The following IQCM variants were observed in gnomAD, a reference collection of about 807,000 sequenced individuals.
IQCM encodes IQ domain-containing protein M.
Under a neutral mutation model 57.6 loss-of-function variants are expected in IQCM, and 45 were observed. The ratio of observed to expected loss-of-function variants is 0.78; its 90% CI spans 0.62 to 1.00. The LOEUF (loss-of-function observed/expected upper bound fraction) is 1.00, where lower values mean the gene tolerates loss of function less well. IQCM is among the 50% of genes least tolerant of loss of function. The pLI is 0.00. For missense variants in IQCM, 468 were observed against 511.6 expected, an observed-to-expected ratio of 0.91 and a Z score of 0.82; for synonymous variants, 148 against 158.9, an observed-to-expected ratio of 0.93 and a Z score of 0.51.
At chr4:149,763,792 T>C (rs1769766545) in intron 2 of IQCM, among the ~76,000 whole-genome samples, 1 of 151,828 alleles carries the variant, frequency 6.6e-6, no homozygotes, top group South Asian at 2.1e-4. Flanking sequence ...CTTTTCACTA[T>C]GAAATGAATG....
intron 12 of IQCM, among the ~76,000 whole-genome samples, chr4:149,463,150 A>T (rs1738486404): frequency 6.6e-6 from 1 of 152,216 alleles, no homozygotes; most frequent in African/African-American, 2.4e-5. Flanking sequence ...ACACATGTGC[A>T]AGGTGAAGCC....
chr4:149,571,784 T>C (rs868152418), intron 9 of IQCM, among the ~76,000 whole-genome samples: 3 of 152,086 alleles, frequency 2.0e-5, no homozygotes, highest in African/African-American at 7.2e-5. Flanking sequence ...AAATAAATAA[T>C]GAGTAAACCA....
intron 2 of IQCM, among the ~76,000 whole-genome samples, chr4:149,814,507 T>C (rs913204262): frequency 1.3e-5 from 2 of 151,862 alleles, no homozygotes; most frequent in Admixed American, 6.6e-5. Flanking sequence ...ATGCTCAAGG[T>C]GATATCTTTA....
rs1025526034 is a variant in IQCM at position 149,433,824 on chromosome 4, AC to A, written c.1229-268del. 1.4e-4 allele frequency among the ~76,000 whole-genome samples: 22 copies of A among 152,128 alleles called. 1 individual carries two copies. The highest frequency in any genetic ancestry group is 5.1e-4 in the African/African-American group (21 of 41,552). ...TTAAGGCTGTGAAAAAAAATAAGAT[AC>A]CCAACGAACAGCATTCACATTATAG... On this transcript the variant is annotated intron_variant, in intron 12 of 13. Transcript: ENST00000636793.
intron 12 of IQCM, among the ~76,000 whole-genome samples, chr4:149,450,894 T>C (rs1453018796): frequency 2.0e-5 from 3 of 150,952 alleles, no homozygotes; most frequent in Non-Finnish European, 4.4e-5. Context: ...AATCACTATA[T>C]TGAAGAGATA....
At position 149,672,471 on chromosome 4, in the gene IQCM, G is replaced by A. The variant is rs59141127; in HGVS notation, c.565+9647C>T. Among the ~76,000 whole-genome samples the A allele has an allele frequency of 8.9e-3, 1,362 of 152,272 alleles. 18 individuals are homozygous for A. The highest frequency in any genetic ancestry group is 0.03 in the African/African-American group (1,266 of 41,564). ...CTGAAAACTATGGCACAAGAACTACGTGACGCATGCGCAAGCTTCAGTAGC... is the reference window on the plus strand; with the variant it reads ...CTGAAAACTATGGCACAAGAACTACATGACGCATGCGCAAGCTTCAGTAGC... On this transcript the variant is annotated intron_variant, in intron 7 of 13. Transcript: ENST00000636793.
intron 2 of IQCM, among the ~76,000 whole-genome samples, chr4:149,776,447 C>A (rs945127989): frequency 6.6e-6 from 1 of 152,244 alleles, no homozygotes; most frequent in East Asian, 1.9e-4. Flanking sequence ...AATCTAATAT[C>A]TTTCCACTAT....
intron 5 of IQCM, among the ~76,000 whole-genome samples, chr4:149,718,389 C>T (rs1249536857): frequency 6.6e-6 from 1 of 152,080 alleles, no homozygotes; most frequent in East Asian, 1.9e-4. Context: ...GGGCACAGAC[C>T]ATGGTACACA....
At chr4:149,642,085 GCACGGAGAGTTGCTTT>G (rs1758245834) in intron 7 of IQCM, among the ~76,000 whole-genome samples, 1 of 152,108 alleles carries the variant, frequency 6.6e-6, no homozygotes, top group African/African-American at 2.4e-5. Flanking sequence ...GAAAATGCTT[GCACGGAGAGTTGCTTT>G]ATAGGGCTGA....
At chr4:149,801,538 C>T (rs766811102) in intron 2 of IQCM, among the ~76,000 whole-genome samples, 1 of 151,952 alleles carries the variant, frequency 6.6e-6, no homozygotes, top group Non-Finnish European at 1.5e-5. Context: ...GGTACTTATA[C>T]ACAATGGAGT....
At chr4:149,657,180 C>G (rs114532437) in intron 7 of IQCM, among the ~76,000 whole-genome samples, 4 of 152,090 alleles carry the variant, frequency 2.6e-5, no homozygotes, top group Non-Finnish European at 5.9e-5. Context: ...TCCCGCCTAC[C>G]CAATTTCTAG....
intron 8 of IQCM, among the ~76,000 whole-genome samples, chr4:149,604,558 T>C (rs1754609000): frequency 6.6e-6 from 1 of 152,182 alleles, no homozygotes; most frequent in Non-Finnish European, 1.5e-5. Flanking sequence ...CCAAAGCCTG[T>C]GGCCATAACC....
chr4:149,807,164 A>C (rs1774160652), intron 2 of IQCM, among the ~76,000 whole-genome samples: 1 of 152,024 alleles, frequency 6.6e-6, no homozygotes, highest in African/African-American at 2.4e-5. Context: ...AAAATCCTAA[A>C]ACTCATAGGG....
intron 13 of IQCM, among the ~76,000 whole-genome samples, chr4:149,408,630 C>A (rs573166074): frequency 6.6e-6 from 1 of 152,166 alleles, no homozygotes; most frequent in South Asian, 2.1e-4. Flanking sequence ...CTAATAAGTT[C>A]CAAATATGTT....
At chr4:149,657,912 T>C (rs1378163227) in intron 7 of IQCM, among the ~76,000 whole-genome samples, 2 of 152,080 alleles carry the variant, frequency 1.3e-5, no homozygotes, top group African/African-American at 2.4e-5. Context: ...TTGTCAGATA[T>C]ATAGTTTGCA....
At chr4:149,482,424 A>G (rs555707045) in intron 12 of IQCM, among the ~76,000 whole-genome samples, 1 of 152,064 alleles carries the variant, frequency 6.6e-6, no homozygotes, top group East Asian at 1.9e-4. Flanking sequence ...TCTGTCATAA[A>G]TGGCTTTTAT....
intron 12 of IQCM, among the ~76,000 whole-genome samples, chr4:149,480,281 A>G (rs1376088678): frequency 1.3e-5 from 2 of 152,100 alleles, no homozygotes; most frequent in Non-Finnish European, 1.5e-5. Context: ...TACACTTTTT[A>G]AAGTTATTTT....
intron 13 of IQCM, among the ~76,000 whole-genome samples, chr4:149,395,519 T>C (rs192576396): frequency 2.6e-5 from 4 of 152,128 alleles, no homozygotes; most frequent in Admixed American, 6.6e-5. Flanking sequence ...GTTTGTTTTA[T>C]ATGACAAAGT....
chr4:149,670,642 A>G (rs1761176584), intron 7 of IQCM, among the ~76,000 whole-genome samples: 1 of 152,122 alleles, frequency 6.6e-6, no homozygotes, highest in Non-Finnish European at 1.5e-5. Context: ...TCATTTTGAG[A>G]TATGTCCCAT....
Sources: gnomAD v4.1 joint callset for allele counts (sites outside exome capture counted in the v4.1 genomes callset) on GRCh38, gnomAD v4.1.1 for gene constraint, MANE v1.5 for transcripts, NCBI Gene and HGNC (gene_info 2026-07-23, HGNC 2026-07-21) for gene names.